The following TEX15 variants were observed in gnomAD, a reference collection of about 807,000 sequenced individuals.
TEX15 encodes testis-expressed protein 15.
In TEX15, 171 loss-of-function variants were observed where a neutral mutation model predicts 237.3. That is an observed-to-expected ratio of 0.72 (90% CI 0.64 to 0.82). The LOEUF (loss-of-function observed/expected upper bound fraction) is 0.82, where lower values mean the gene tolerates loss of function less well. Ranked by LOEUF, TEX15 falls within the 40% of genes least tolerant of loss-of-function variation. The pLI, the probability that TEX15 is intolerant of heterozygous loss-of-function variation, is 0.00. For missense variants in TEX15, 3,750 were observed against 3,646.5 expected, an observed-to-expected ratio of 1.03 and a Z score of -0.73; for synonymous variants, 1,338 against 1,269.8, an observed-to-expected ratio of 1.05 and a Z score of -1.14.
intron 2 of TEX15, among the ~76,000 whole-genome samples, chr8:30,891,965 T>G (rs1005689641): frequency 6.6e-6 from 1 of 152,226 alleles, no homozygotes; most frequent in Non-Finnish European, 1.5e-5. Flanking sequence ...CTTTTAAAAA[T>G]TGTATTTTCA....
intron 5 of TEX15, among the ~76,000 whole-genome samples, chr8:30,863,088 G>A (rs1298158895): frequency 6.6e-6 from 1 of 152,006 alleles, no homozygotes; most frequent in African/African-American, 2.4e-5. Context: ...ATAGCATACA[G>A]GTTGAATATC....
Position 30,844,558 on chromosome 8 carries a change from G to T in TEX15, c.5609C>A (p.Thr1870Asn), listed in dbSNP as rs751822179. 6.2e-7 allele frequency: 1 copy of T among 1,612,958 alleles called. No homozygotes were observed. The highest frequency in any genetic ancestry group is 2.2e-5 in the East Asian group (1 of 44,860). The part of the protein sequence containing the change: ...RSMTEGSTVN[T>N]EYKNQKNQIS... ...CTGATTCTTTTGATTTTTGTACTCA[G>T]TATTAACAGTTGATCCTTCAGTCAT... The change falls in exon 8 of 11, where the codon ACT (threonine) becomes AAT (asparagine). Residue 1870 changes from threonine to asparagine, a missense_variant. Physicochemically the swap from Thr to Asn is moderately conservative, Grantham distance 65. Transcript: ENST00000643185.
At chr8:30,888,494 C>G in intron 2 of TEX15, 1 of 501,018 alleles carries the variant, frequency 2.0e-6, no homozygotes, top group Non-Finnish European at 3.3e-6. Context: ...TCCTTTCTCT[C>G]TCTCCCCAAA....
rs754802025 is a variant in TEX15 at position 30,843,614 on chromosome 8, C to T, written c.6553G>A (p.Asp2185Asn). 1.2e-6 allele frequency: 2 copies of T among 1,612,806 alleles called. No individual in the cohort carries two copies. Among genetic ancestry groups the T allele is most frequent in the African/African-American group, 1.3e-5 (1 of 74,992 alleles). The change falls in exon 8 of 11, where the codon GAT becomes AAT. Residue 2185 changes from aspartate (D) to asparagine (N), a missense_variant. Physicochemically the swap from Asp to Asn is conservative, Grantham distance 23. Transcript: ENST00000643185. ...ACAGAAAGAGAAAAATCAAAGCAAT[C>T]GGAACAATGCTCCATTATGGCTTCA... is the stretch of plus-strand genomic sequence containing the variant. ...ECEAIMEHCSDCFDFSLSVPF... is the reference protein window; with the variant it reads ...ECEAIMEHCSNCFDFSLSVPF...
At chr8:30,895,407 G>C (rs1187132312) in intron 2 of TEX15, among the ~76,000 whole-genome samples, 1 of 151,412 alleles carries the variant, frequency 6.6e-6, no homozygotes, top group Non-Finnish European at 1.5e-5. Context: ...TGGACTAGAA[G>C]TTTGAAACCA....
chr8:30,865,611 G>A (rs1227017232), intron 5 of TEX15, among the ~76,000 whole-genome samples: 1 of 152,048 alleles, frequency 6.6e-6, no homozygotes, highest in Non-Finnish European at 1.5e-5. Context: ...ATGACCAAGT[G>A]GGATTCATAC....
In TEX15 at chr8:30,844,912, C is replaced by G; in HGVS notation, c.5255G>C (p.Ser1752Thr). The change falls in exon 8 of 11, where the codon AGT becomes ACT. Residue 1752 changes from serine (S) to threonine (T), a missense_variant. Physicochemically the swap from Ser to Thr is moderately conservative, Grantham distance 58. Transcript: ENST00000643185. The part of the protein sequence containing the change: ...ILTVDSFAAS[S>T]TVPHCEQSCR... The stretch of plus-strand genomic sequence containing the variant: ...GCTCTGCTCACAGTGTGGTACAGTA[C>G]TGGATGCTGCAAAAGAATCTACAGT... 3 of 1,613,464 alleles carry G rather than the reference C, an allele frequency of 1.9e-6. No individual in the cohort carries two copies. The highest frequency in any genetic ancestry group is 2.5e-6 in the Non-Finnish European group (3 of 1,179,546).
intron 8 of TEX15, among the ~76,000 whole-genome samples, chr8:30,841,339 T>C (rs901843721): frequency 6.6e-6 from 1 of 152,164 alleles, no homozygotes; most frequent in Non-Finnish European, 1.5e-5. Flanking sequence ...GACTGCCTGG[T>C]TTAGATCTGG....
chr8:30,897,972 T>C (rs1808936956), intron 2 of TEX15, among the ~76,000 whole-genome samples: 1 of 152,206 alleles, frequency 6.6e-6, no homozygotes, highest in Non-Finnish European at 1.5e-5. Flanking sequence ...CTCATTTTCT[T>C]GCCCTGCTTA....
Position 30,846,773 on chromosome 8 carries a change from C to A in TEX15, c.3394G>T (p.Glu1132Ter). ...GTAGAGGAATAAAAATAGTTACTTT[C>A]CTTAGAATAATGCTGATCACTATTC... ...RENSDQHYSKESNYFYSSTQN... is the reference protein window; with the variant it reads ...RENSDQHYSK The change falls in exon 8 of 11, where the codon GAA becomes TAA. Residue 1132 changes from glutamate (E) to a stop codon, truncating the protein, a stop_gained. Transcript: ENST00000643185. LOFTEE classifies it high-confidence loss of function. 6.2e-7 allele frequency: 1 copy of A among 1,613,776 alleles called. No individual in the cohort carries two copies. Among genetic ancestry groups the A allele is most frequent in the South Asian group, 1.1e-5 (1 of 91,056 alleles).
At chr8:30,871,274 G>A (rs966374168) in intron 4 of TEX15, among the ~76,000 whole-genome samples, 6 of 151,946 alleles carry the variant, frequency 3.9e-5, no homozygotes, top group African/African-American at 1.4e-4. Context: ...ACATCTTTGG[G>A]GAAGCATTAT....
At chr8:30,889,938 T>TATACATAC (rs1554502291) in intron 2 of TEX15, among the ~76,000 whole-genome samples, 1 of 128,158 alleles carries the variant, frequency 7.8e-6, no homozygotes, top group Non-Finnish European at 1.5e-5. Flanking sequence ...TATATACATA[T>TATACATAC]ATATATATAT....
chr8:30,887,026 T>C (rs533991965), intron 3 of TEX15, 141 bp downstream of exon 3: 38 of 661,328 alleles, frequency 5.7e-5, no homozygotes, highest in East Asian at 1.8e-4. Context: ...AGTGGAAACA[T>C]AAGTACATGT....
chr8:30,893,440 G>A (rs1040938954), intron 2 of TEX15, among the ~76,000 whole-genome samples: 2 of 152,062 alleles, frequency 1.3e-5, no homozygotes, highest in Non-Finnish European at 1.5e-5. Context: ...AATGACTTAC[G>A]GTTTTGTTTC....
chr8:30,861,421 G>C (rs530928604), intron 5 of TEX15, among the ~76,000 whole-genome samples: 1 of 151,874 alleles, frequency 6.6e-6, no homozygotes, highest in South Asian at 2.1e-4. Context: ...CATAAATGAC[G>C]GTATTTTATT....
rs1339436907 is a variant in TEX15 at position 30,843,064 on chromosome 8, T to C, written c.7103A>G (p.Asp2368Gly). ...CAATATCTCACTAATACAACAAATA[T>C]CTGGGTGTGCAAGCAAATTACTGTT... ...KFNSNLLAHPDICCISEILDQ... is the reference protein window; with the variant it reads ...KFNSNLLAHPGICCISEILDQ... The change falls in exon 8 of 11, where the codon GAT becomes GGT. Residue 2368 changes from aspartate to glycine, a missense_variant. Asp to Gly is a moderately conservative substitution (Grantham distance 94). Coordinates refer to ENST00000643185, the MANE Select transcript of TEX15 (RefSeq NM_001350162.2). 1.9e-6 allele frequency: 3 copies of C among 1,613,474 alleles called. No homozygotes were observed. The highest frequency in any genetic ancestry group is 1.1e-5 in the South Asian group (1 of 90,948).
chr8:30,842,055 G>A lies in TEX15; in HGVS notation c.8112C>T (p.Asp2704=), dbSNP rs199924174. The stretch of plus-strand genomic sequence containing the variant: ...TAGTATCTTGCTGTTGTTCCTGAGA[G>A]TCTTCACATTTGTCTACAGTGCTCG... ...KRPSTVDKCE[D]SQEQQQDTTV... is the part of the protein sequence containing the mutation. Residue 2704 remains aspartate, a synonymous_variant, in exon 8 of 11, where the codon GAC becomes GAT. Coordinates refer to ENST00000643185, the MANE Select transcript of TEX15 (RefSeq NM_001350162.2). 6.2e-6 allele frequency: 10 copies of A among 1,611,074 alleles called. No individual in the cohort carries two copies. In the African/African-American group the frequency reaches 1.2e-4, roughly 19 times the overall value.
chr8:30,834,803 T>C (rs1331265886), intron 10 of TEX15, among the ~76,000 whole-genome samples: 1 of 152,164 alleles, frequency 6.6e-6, no homozygotes, highest in Non-Finnish European at 1.5e-5. Flanking sequence ...CAGTAGGTTA[T>C]AGTGAATCAG....
intron 1 of TEX15, among the ~76,000 whole-genome samples, chr8:30,903,352 G>GA (rs1809041124): frequency 6.6e-6 from 1 of 152,186 alleles, no homozygotes; most frequent in South Asian, 2.1e-4. Context: ...TCATCACGGG[G>GA]AAAAATCAAA....
Sources: gnomAD v4.1 joint callset for allele counts (sites outside exome capture counted in the v4.1 genomes callset) on GRCh38, gnomAD v4.1.1 for gene constraint, MANE v1.5 for transcripts, NCBI Gene and HGNC (gene_info 2026-07-23, HGNC 2026-07-21) for gene names.